The following PDE8B variants were observed in gnomAD, a reference collection of about 807,000 sequenced individuals.
The protein encoded by PDE8B is phosphodiesterase 8B, also known as high affinity cAMP-specific and IBMX-insensitive 3',5'-cyclic phosphodiesterase 8B.
Under a neutral mutation model 101.3 loss-of-function variants are expected in PDE8B, and 26 were observed. The observed-to-expected ratio is 0.26, with a 90% CI of 0.19 to 0.36. The LOEUF is 0.36. PDE8B is among the 10% of genes least tolerant of loss of function. The pLI, the probability that PDE8B is intolerant of heterozygous loss-of-function variation, is 1.00. For synonymous variants in PDE8B, 424 were observed against 429.3 expected, an observed-to-expected ratio of 0.99 and a Z score of 0.15; for missense variants, 810 against 1,163.1, an observed-to-expected ratio of 0.70 and a Z score of 4.42.
rs1271973738 is a variant in PDE8B at position 77,428,025 on chromosome 5, G to A, written c.*1471G>A. 1 of 152,094 alleles carries A rather than the reference G, an allele frequency of 6.6e-6. No homozygotes were observed. The highest frequency in any genetic ancestry group is 2.4e-5 in the African/African-American group (1 of 41,416). The allele number at this position is 152,094 out of a possible 1,614,324, so 9.4% of individuals were successfully genotyped here. A position where few individuals can be genotyped will look rare whatever the true frequency, so the allele number is the denominator to read the frequency against. On this transcript the variant is annotated 3_prime_UTR_variant, in exon 22 of 22. Coordinates refer to ENST00000264917, the MANE Select transcript of PDE8B (RefSeq NM_003719.5). ...TTTTTCTATGTTTTGTACCAAAAAT[G>A]GAAAAATATGACAATTCCATGCAAA... is the stretch of plus-strand genomic sequence containing the variant.
intron 5 of PDE8B, among the ~76,000 whole-genome samples, chr5:77,333,659 A>T (rs574358917): frequency 1.3e-5 from 2 of 152,360 alleles, no homozygotes; most frequent in African/African-American, 4.8e-5. Flanking sequence ...ATCTGAAGCG[A>T]TAGCATCTTG....
chr5:77,147,215 C>G, the PDE8B span: 1 of 298,944 alleles, frequency 3.3e-6, no homozygotes, highest in Admixed American at 3.9e-5. Flanking sequence ...ATTTAAACCC[C>G]CTGTTTACAA....
At chr5:77,406,014 C>T (rs577911116) in intron 12 of PDE8B, among the ~76,000 whole-genome samples, 49 of 152,162 alleles carry the variant, frequency 3.2e-4, no homozygotes, top group African/African-American at 1.2e-3. Flanking sequence ...AGGCCAGGTG[C>T]GATGGCTCAT....
chr5:77,393,903 T>A (rs1192309689), intron 10 of PDE8B, among the ~76,000 whole-genome samples: 1 of 152,224 alleles, frequency 6.6e-6, no homozygotes, highest in Admixed American at 6.5e-5. Flanking sequence ...AAGTTAGTCT[T>A]TCCAAAGGAC....
intron 6 of PDE8B, among the ~76,000 whole-genome samples, chr5:77,343,158 A>G (rs1779521914): frequency 6.6e-6 from 1 of 152,192 alleles, no homozygotes; most frequent in Non-Finnish European, 1.5e-5. Flanking sequence ...TTGTTTATGC[A>G]TTTAGTTTGA....
intron 1 of PDE8B, among the ~76,000 whole-genome samples, chr5:77,303,516 C>A (rs1210520002): frequency 6.6e-6 from 1 of 152,058 alleles, no homozygotes; most frequent in Non-Finnish European, 1.5e-5. Context: ...TTGCAGTGAG[C>A]CGAGATCACT....
chr5:77,373,126 A>T (rs1581311024), intron 10 of PDE8B, among the ~76,000 whole-genome samples: 1 of 151,708 alleles, frequency 6.6e-6, no homozygotes, highest in Non-Finnish European at 1.5e-5. Flanking sequence ...GGTGAGATTT[A>T]TCAACTTGGT....
chr5:77,419,792 G>A lies in PDE8B; in HGVS notation c.2155G>A (p.Ala719Thr), dbSNP rs190463656. The A allele has an allele frequency of 2.5e-6, 4 of 1,614,056 alleles. No individual in the cohort carries two copies. Among genetic ancestry groups the A allele is most frequent in the Admixed American group, 1.7e-5 (1 of 60,008 alleles). Reference sequence around the variant, plus strand: ...GAACCATTATCGAACGCTGCGCCAGGCTATTATTGACATGGTTTTGGCAAC... The same window carrying A: ...GAACCATTATCGAACGCTGCGCCAGACTATTATTGACATGGTTTTGGCAAC... The part of the protein sequence containing the change: ...DRNHYRTLRQ[A>T]IIDMVLATEM... Residue 719 changes from alanine to threonine, a missense_variant, in exon 19 of 22, where the codon GCT becomes ACT. By Grantham distance (58) the Ala-to-Thr change is moderately conservative (BLOSUM62 0). Transcript: ENST00000264917.
intron 1 of PDE8B, among the ~76,000 whole-genome samples, chr5:77,286,975 A>G (rs1766141852): frequency 6.6e-6 from 1 of 152,162 alleles, no homozygotes; most frequent in African/African-American, 2.4e-5. Context: ...TTCCCTCCGG[A>G]TTCCATGCTC....
chr5:77,116,517 C>G, the PDE8B span, among the ~76,000 whole-genome samples: 529 of 152,262 alleles, frequency 3.5e-3, 6 homozygotes, highest in African/African-American at 0.012. Context: ...GCTGGGATTA[C>G]AGGCGTAAGC....
At chr5:77,342,543 C>G (rs1779396815) in intron 6 of PDE8B, among the ~76,000 whole-genome samples, 1 of 151,510 alleles carries the variant, frequency 6.6e-6, no homozygotes, top group African/African-American at 2.4e-5. Flanking sequence ...AAACATCAAT[C>G]CAGTAAATCA....
chr5:77,098,010 G>A, the PDE8B span, among the ~76,000 whole-genome samples: 3 of 150,468 alleles, frequency 2.0e-5, no homozygotes, highest in South Asian at 6.3e-4. Context: ...TGCTTTCTTA[G>A]TTTGGATTTC....
intron 1 of PDE8B, among the ~76,000 whole-genome samples, chr5:77,303,686 T>C (rs548463343): frequency 6.6e-5 from 10 of 152,352 alleles, no homozygotes; most frequent in African/African-American, 2.2e-4. Context: ...CTTGCCTCAA[T>C]TGGGAGTTTG....
the PDE8B span, among the ~76,000 whole-genome samples, chr5:77,121,528 G>A: frequency 7.3e-6 from 1 of 136,950 alleles, no homozygotes; most frequent in Non-Finnish European, 1.6e-5. Context: ...TTTTTTTTGA[G>A]ACAGAGTCTC....
chr5:77,297,099 CAAGT>C (rs765844825), intron 1 of PDE8B, among the ~76,000 whole-genome samples: 21 of 152,260 alleles, frequency 1.4e-4, no homozygotes, highest in Non-Finnish European at 2.1e-4. Context: ...GTAGAAAGGG[CAAGT>C]GAGTGTGGGA....
intron 1 of PDE8B, among the ~76,000 whole-genome samples, chr5:77,215,027 A>G (rs1749356665): frequency 6.6e-6 from 1 of 152,164 alleles, no homozygotes; most frequent in Admixed American, 6.5e-5. Flanking sequence ...TGGTCATAGC[A>G]CTGCTTTCAT....
chr5:77,394,081 C>G (rs1790512915), intron 10 of PDE8B, among the ~76,000 whole-genome samples: 1 of 152,186 alleles, frequency 6.6e-6, no homozygotes, highest in Non-Finnish European at 1.5e-5. Flanking sequence ...ACTACATTGC[C>G]ATAAAGTAAG....
chr5:77,249,264 C>G (rs1478653719), intron 1 of PDE8B, among the ~76,000 whole-genome samples: 1 of 152,190 alleles, frequency 6.6e-6, no homozygotes, highest in African/African-American at 2.4e-5. Context: ...CAGCATTTAA[C>G]TATTTTCTGT....
chr5:77,258,383 A>ATAGG (rs1759656760), intron 1 of PDE8B, among the ~76,000 whole-genome samples: 1 of 151,854 alleles, frequency 6.6e-6, no homozygotes, highest in African/African-American at 2.4e-5. Flanking sequence ...GACCAGGGAG[A>ATAGG]TAGGCAGGGG....
Sources: allele counts gnomAD v4.1 joint callset (sites outside exome capture counted in the v4.1 genomes callset), GRCh38; gene constraint gnomAD v4.1.1; transcripts MANE v1.5; gene names NCBI Gene and HGNC (gene_info 2026-07-23, HGNC 2026-07-21).